SARAF: variants seen among roughly 807,000 people sequenced by gnomAD.
SARAF encodes the protein store-operated calcium entry associated regulatory factor.
SARAF carries 23 observed loss-of-function variants against 39.7 expected under a neutral mutation model. That is an observed-to-expected ratio of 0.58 (90% CI 0.42 to 0.82). SARAF has a LOEUF of 0.82. Ranked by LOEUF, SARAF falls within the 40% of genes least tolerant of loss-of-function variation. The pLI, the probability that SARAF is intolerant of heterozygous loss-of-function variation, is 0.00. For missense variants in SARAF, 384 were observed against 418.5 expected (o/e 0.92, Z 0.72); for synonymous variants, 175 against 168.5 (o/e 1.04, Z -0.30).
chr8:30,074,861 G>A (rs1308504683), intron 1 of SARAF, among the ~76,000 whole-genome samples: 1 of 152,092 alleles, frequency 6.6e-6, no homozygotes, highest in Non-Finnish European at 1.5e-5. Context: ...ACTTCTGTAT[G>A]TTTAAATACT....
chr8:30,069,208 C>T (rs574440939), intron 3 of SARAF, among the ~76,000 whole-genome samples: 20 of 136,770 alleles, frequency 1.5e-4, no homozygotes, highest in African/African-American at 5.0e-4. Flanking sequence ...GGCGCAATCT[C>T]GGCTCACCGC....
chr8:30,074,059 A>C lies in SARAF; in HGVS notation c.104-4T>G, dbSNP rs754979658. The C allele has an allele frequency of 1.2e-6, 2 of 1,610,360 alleles. No individual in the cohort carries two copies. The highest frequency in any genetic ancestry group is 1.7e-6 in the Non-Finnish European group (2 of 1,177,476). The stretch of plus-strand genomic sequence containing the variant: ...ACATCCCGCAGCAACATTCTGTCTG[A>C]AACAGCAAGAAAACAGAGGAACACA... On this transcript the variant is annotated splice_polypyrimidine_tract_variant and splice_region_variant and intron_variant, in intron 1 of 5. Transcript: ENST00000256255.
Position 30,063,889 on chromosome 8 carries a change from T to C in SARAF, c.1019A>G (p.Ter340=), listed in dbSNP as rs1300119277. ...ASGYGGTRRR[*] ...AGTGTTTGACTCCAACTTTCTACTT[T>C]ATCGTCTCCTGGTACCACCATATCC... Residue 340 remains the stop codon, a stop_retained_variant, in exon 6 of 6, where the codon TAA becomes TGA. Transcript: ENST00000256255. 4 of 1,613,322 alleles carry C rather than the reference T, an allele frequency of 2.5e-6. No homozygotes were observed. The highest frequency in any genetic ancestry group is 3.4e-6 in the Non-Finnish European group (4 of 1,179,576).
Position 30,063,906 on chromosome 8 carries a change from A to G in SARAF, c.1002T>C (p.Gly334=). ...DTKTRTASGY[G]GTRRR Reference sequence around the variant, plus strand: ...TTCTACTTTATCGTCTCCTGGTACCACCATATCCTAGAATGAGAGGGGTAA... The same window carrying G: ...TTCTACTTTATCGTCTCCTGGTACCGCCATATCCTAGAATGAGAGGGGTAA... The change falls in exon 6 of 6, where the codon GGT becomes GGC. Residue 334 remains glycine, a synonymous_variant. Transcript: ENST00000256255. 1 of 1,610,416 alleles carries G rather than the reference A, an allele frequency of 6.2e-7. No individual in the cohort carries two copies. The highest frequency in any genetic ancestry group is 8.5e-7 in the Non-Finnish European group (1 of 1,178,524).
intron 1 of SARAF, among the ~76,000 whole-genome samples, chr8:30,074,725 G>C (rs1471030495): frequency 1.3e-5 from 2 of 152,146 alleles, no homozygotes; most frequent in African/African-American, 4.8e-5. Flanking sequence ...TAGGGAGAGA[G>C]AAAGAAAAGA....
intron 4 of SARAF, 64 bp downstream of exon 4, chr8:30,066,713 T>A: frequency 6.4e-7 from 1 of 1,569,320 alleles, no homozygotes; most frequent in Non-Finnish European, 8.7e-7. Flanking sequence ...TAAATGCAGT[T>A]AAATTGTAAG....
At position 30,069,769 on chromosome 8, in the gene SARAF, C is replaced by A; in HGVS notation, c.573G>T (p.Lys191Asn). 1 of 1,614,150 alleles carries A rather than the reference C, an allele frequency of 6.2e-7. No homozygotes were observed. Among genetic ancestry groups the A allele is most frequent in the East Asian group, 2.2e-5 (1 of 44,870 alleles). Reference sequence around the variant, plus strand: ...AATACTGCCCGTCACTCAGGAACAGCTTATAGACTACAAACGCGATCCCAA... The same window carrying A: ...AATACTGCCCGTCACTCAGGAACAGATTATAGACTACAAACGCGATCCCAA... ...VLLGIAFVVY[K>N]LFLSDGQYSP... Residue 191 changes from lysine to asparagine, a missense_variant, in exon 3 of 6, where the codon AAG becomes AAT. Transcript: ENST00000256255.
intron 1 of SARAF, 69 bp from the exon 2 acceptor site, chr8:30,074,124 C>A: frequency 6.6e-7 from 1 of 1,521,122 alleles, no homozygotes; most frequent in South Asian, 1.2e-5. Context: ...TTCATCCTAA[C>A]GAAACTCTCG....
intron 1 of SARAF, chr8:30,078,361 A>C (rs375594427): frequency 2.6e-6 from 1 of 387,526 alleles, no homozygotes; most frequent in Non-Finnish European, 5.0e-6. Context: ...AGGGCCCAAC[A>C]AATACCCAGG....
intron 1 of SARAF, chr8:30,078,139 C>CAA (rs71204258): frequency 0.71 from 150,367 of 211,042 alleles, 49,327 homozygotes; most frequent in African/African-American, 0.86. Context: ...GACTCCGTCT[C>CAA]AAAAAAAAAA....
At chr8:30,064,559 A>ATTTTTT (rs1240248914) in intron 5 of SARAF, among the ~76,000 whole-genome samples, 13 of 50,014 alleles carry the variant, frequency 2.6e-4, no homozygotes, top group African/African-American at 1.1e-3. Context: ...ATATATATAT[A>ATTTTTT]TATTTTTTTT....
At chr8:30,065,333 G>A (rs1801659491) in intron 5 of SARAF, among the ~76,000 whole-genome samples, 1 of 152,088 alleles carries the variant, frequency 6.6e-6, no homozygotes, top group Admixed American at 6.6e-5. Context: ...TTTTTTAATT[G>A]AATGTATCAA....
Position 30,082,976 on chromosome 8 carries a change from T to G in SARAF, c.-27A>C. ...GCGCTCGATGAAGATGGCGCCGGGC[T>G]GCCAGACGCCTACGGGCCGAACCTG... On this transcript the variant is annotated 5_prime_UTR_variant, in exon 1 of 6. Coordinates refer to ENST00000256255, the MANE Select transcript of SARAF (RefSeq NM_016127.6). The G allele has an allele frequency of 6.6e-7, 1 of 1,523,352 alleles. No individual in the cohort carries two copies. The highest frequency in any genetic ancestry group is 8.8e-7 in the Non-Finnish European group (1 of 1,130,378). 94.4% of individuals were successfully genotyped at this position (1,523,352 alleles called of 1,614,324 possible).
intron 1 of SARAF, 97 bp downstream of exon 1, chr8:30,082,750 C>G (rs747074889): frequency 1.9e-4 from 180 of 963,994 alleles, no homozygotes; most frequent in Middle Eastern, 3.3e-4. Flanking sequence ...CACCCAGGCT[C>G]CGGGAAGACG....
intron 2 of SARAF, among the ~76,000 whole-genome samples, chr8:30,072,585 A>G (rs4733315): frequency 0.98 from 149,179 of 152,282 alleles, 73,144 homozygotes; most frequent in Middle Eastern, 1. Context: ...TTCCTTAATC[A>G]TGCGTACTTA....
chr8:30,074,129 C>T (rs755152837), intron 1 of SARAF, 74 bp from the exon 2 acceptor site: 5 of 1,511,176 alleles, frequency 3.3e-6, no homozygotes, highest in Non-Finnish European at 4.5e-6. Context: ...CCTAACGAAA[C>T]TCTCGTCATA....
chr8:30,072,364 T>C (rs563499151), intron 2 of SARAF, among the ~76,000 whole-genome samples: 1 of 152,354 alleles, frequency 6.6e-6, no homozygotes, highest in Non-Finnish European at 1.5e-5. Flanking sequence ...TTTGCTAAGC[T>C]TCCTCCCATT....
chr8:30,074,790 A>G (rs1044230580), intron 1 of SARAF, among the ~76,000 whole-genome samples: 5 of 152,210 alleles, frequency 3.3e-5, no homozygotes, highest in Admixed American at 3.3e-4. Flanking sequence ...TTTGTAGCAA[A>G]TATGGCAAAA....
rs1161645663 is a variant in SARAF, at chr8:30,074,002, TATAGCGGTC to T, written c.148_156del (p.Asp50_Tyr52del). Reference sequence around the variant, plus strand: ...ATGGGATCCAGCCTGCGGGAGGTGGTATAGCGGTCATAGTGGAGGGTAAGAGCTTTTACA... The same window carrying T: ...ATGGGATCCAGCCTGCGGGAGGTGGTATAGTGGAGGGTAAGAGCTTTTACA... On this transcript the variant is annotated inframe_deletion, in exon 2 of 6. Coordinates refer to ENST00000256255, the MANE Select transcript of SARAF (RefSeq NM_016127.6). 1 of 1,614,022 alleles carries T rather than the reference TATAGCGGTC, an allele frequency of 6.2e-7. No homozygotes were observed. Among genetic ancestry groups the T allele is most frequent in the African/African-American group, 1.3e-5 (1 of 74,906 alleles).
Sources: gnomAD v4.1 joint callset for allele counts (sites outside exome capture counted in the v4.1 genomes callset) on GRCh38, gnomAD v4.1.1 for gene constraint, MANE v1.5 for transcripts, NCBI Gene and HGNC (gene_info 2026-07-23, HGNC 2026-07-21) for gene names.